NIM1K: variants seen among roughly 807,000 people sequenced by gnomAD.
The protein encoded by NIM1K is NIM1 serine/threonine protein kinase.
A neutral mutation model predicts 37.1 loss-of-function variants in NIM1K; 35 were observed. That is an observed-to-expected ratio of 0.94 (90% CI 0.72 to 1.25). The LOEUF is 1.25. Among genes scored for constraint, NIM1K ranks in the 50% most tolerant of loss-of-function variants. The pLI is 0.00. For missense variants in NIM1K, 564 were observed against 548.0 expected, an observed-to-expected ratio of 1.03 and a Z score of -0.29; for synonymous variants, 234 against 206.6, an observed-to-expected ratio of 1.13 and a Z score of -1.14.
At chr5:43,199,471 C>G (rs1034584382) in intron 1 of NIM1K, among the ~76,000 whole-genome samples, 6 of 151,902 alleles carry the variant, frequency 3.9e-5, no homozygotes, top group Non-Finnish European at 8.8e-5. Context: ...CTAGTTTATT[C>G]CTATCTTTCT....
At chr5:43,247,504 C>T (rs1287313501) in intron 2 of NIM1K, among the ~76,000 whole-genome samples, 1 of 152,202 alleles carries the variant, frequency 6.6e-6, no homozygotes, top group Admixed American at 6.5e-5. Context: ...ATCAATGCAG[C>T]TGCCATGCCC....
intron 2 of NIM1K, among the ~76,000 whole-genome samples, chr5:43,246,514 GTC>G (rs144743874): frequency 0.018 from 2,704 of 151,630 alleles, 110 homozygotes; most frequent in East Asian, 0.16. Flanking sequence ...TTACATTTGT[GTC>G]TCAGTAACAA....
At chr5:43,266,423 G>A (rs1381597881) in intron 2 of NIM1K, among the ~76,000 whole-genome samples, 3 of 152,238 alleles carry the variant, frequency 2.0e-5, no homozygotes, top group Non-Finnish European at 4.4e-5. Flanking sequence ...TCTGAGCCAG[G>A]TGCGGGATAT....
At chr5:43,220,795 T>C (rs2112229897) in intron 1 of NIM1K, among the ~76,000 whole-genome samples, 1 of 152,312 alleles carries the variant, frequency 6.6e-6, no homozygotes, top group South Asian at 2.1e-4. Context: ...CATCTGTATA[T>C]GTTAAAAATA....
chr5:43,224,732 T>A (rs1191677601), intron 1 of NIM1K, among the ~76,000 whole-genome samples: 1 of 150,440 alleles, frequency 6.6e-6, no homozygotes, highest in African/African-American at 2.5e-5. Flanking sequence ...CTTCTCGCTC[T>A]GTCACCCAGG....
In NIM1K at chr5:43,280,508, T is replaced by G. The variant is rs1753425495; in HGVS notation, c.1090T>G (p.Leu364Val). 6.2e-7 allele frequency: 1 copy of G among 1,614,110 alleles called. No individual in the cohort carries two copies. The change falls in exon 4 of 4, where the codon TTG becomes GTG. Residue 364 changes from leucine to valine, a missense_variant. Leu to Val is a conservative substitution (Grantham distance 32, BLOSUM62 1). Coordinates refer to ENST00000326035, the MANE Select transcript of NIM1K (RefSeq NM_153361.4). ...TGAGGTCAAAAGCACTTTAGAACATTTGGGCATTACAGAAGAGCATATTCG... is the reference window on the plus strand; with the variant it reads ...TGAGGTCAAAAGCACTTTAGAACATGTGGGCATTACAGAAGAGCATATTCG... Reference protein sequence around the residue: ...ENEVKSTLEHLGITEEHIRNN... With the variant: ...ENEVKSTLEHVGITEEHIRNN...
intron 2 of NIM1K, among the ~76,000 whole-genome samples, chr5:43,257,325 G>A (rs889202465): frequency 2.7e-5 from 4 of 150,552 alleles, no homozygotes; most frequent in African/African-American, 4.9e-5. Context: ...GTTCAAGAGA[G>A]GATAATGAGG....
chr5:43,275,751 A>G (rs548723986), intron 2 of NIM1K, among the ~76,000 whole-genome samples: 1 of 152,288 alleles, frequency 6.6e-6, no homozygotes, highest in African/African-American at 2.4e-5. Flanking sequence ...CAGAATCTGA[A>G]CATCATGTTC....
At chr5:43,227,704 T>C (rs564387585) in intron 1 of NIM1K, among the ~76,000 whole-genome samples, 2 of 152,326 alleles carry the variant, frequency 1.3e-5, no homozygotes, top group South Asian at 2.1e-4. Context: ...TTAAAAAATT[T>C]ATTATTTATT....
Position 43,246,009 on chromosome 5 carries a change from G to A in NIM1K, c.234G>A (p.Gly78=). Residue 78 remains glycine (G), a synonymous_variant, in exon 2 of 4, where the codon GGG becomes GGA. Coordinates refer to ENST00000326035, the MANE Select transcript of NIM1K (RefSeq NM_153361.4). ...GKRIGFYRIR[G]EIGSGNFSQV... is the part of the protein sequence containing the mutation. The stretch of plus-strand genomic sequence containing the variant: ...GGATAGGCTTCTACCGAATTCGAGG[G>A]GAAATCGGAAGTGGAAACTTCTCCC... 1 of 1,613,988 alleles carries A rather than the reference G, an allele frequency of 6.2e-7. No individual in the cohort carries two copies. The highest frequency in any genetic ancestry group is 1.1e-5 in the South Asian group (1 of 91,070).
intron 2 of NIM1K, among the ~76,000 whole-genome samples, chr5:43,271,376 GA>G (rs150308344): frequency 0.032 from 4,849 of 151,124 alleles, 288 homozygotes; most frequent in African/African-American, 0.11. Flanking sequence ...CTGGGATGAG[GA>G]AAAAAAATAC....
intron 1 of NIM1K, among the ~76,000 whole-genome samples, chr5:43,198,258 C>CCTTT (rs1156399091): frequency 1.6e-5 from 2 of 123,714 alleles, no homozygotes; most frequent in Non-Finnish European, 3.4e-5. Flanking sequence ...TTCTTTCTTT[C>CCTTT]CTTTCTTTCT....
At chr5:43,223,074 G>A (rs144309797) in intron 1 of NIM1K, among the ~76,000 whole-genome samples, 16 of 149,852 alleles carry the variant, frequency 1.1e-4, no homozygotes, top group African/African-American at 3.5e-4. Context: ...GGGAGGCAGA[G>A]GTTGCAGTGA....
At chr5:43,269,446 C>A (rs1753221776) in intron 2 of NIM1K, among the ~76,000 whole-genome samples, 1 of 151,640 alleles carries the variant, frequency 6.6e-6, no homozygotes, top group South Asian at 2.1e-4. Context: ...TTGAAGACAG[C>A]AGATATTTGG....
intron 1 of NIM1K, among the ~76,000 whole-genome samples, chr5:43,236,121 C>A (rs1034441283): frequency 6.6e-6 from 1 of 151,542 alleles, no homozygotes; most frequent in East Asian, 1.9e-4. Context: ...CAAAAAATAA[C>A]CAGGCATGGT....
intron 2 of NIM1K, among the ~76,000 whole-genome samples, chr5:43,267,991 A>G (rs1166197167): frequency 1.3e-5 from 2 of 152,014 alleles, no homozygotes; most frequent in Non-Finnish European, 2.9e-5. Context: ...TGTTTAAGTC[A>G]TTGTTTCTTT....
intron 2 of NIM1K, among the ~76,000 whole-genome samples, chr5:43,268,391 A>C (rs1753202576): frequency 6.6e-6 from 1 of 152,060 alleles, no homozygotes; most frequent in South Asian, 2.1e-4. Flanking sequence ...GTTTTGGGGA[A>C]GGGATTGGGC....
At chr5:43,268,366 G>A (rs76625844) in intron 2 of NIM1K, among the ~76,000 whole-genome samples, 2,291 of 152,212 alleles carry the variant, frequency 0.015, 46 homozygotes, top group African/African-American at 0.051. Context: ...GTTGGTTAGG[G>A]GTTTTTCAAA....
chr5:43,204,636 C>T (rs1315142374), intron 1 of NIM1K, among the ~76,000 whole-genome samples: 3 of 149,002 alleles, frequency 2.0e-5, no homozygotes, highest in Non-Finnish European at 3.0e-5. Flanking sequence ...ACCCAGGAGG[C>T]GGAGGTTGCA....
Sources: allele counts gnomAD v4.1 joint callset (sites outside exome capture counted in the v4.1 genomes callset), GRCh38; gene constraint gnomAD v4.1.1; transcripts MANE v1.5; gene names NCBI Gene and HGNC (gene_info 2026-07-23, HGNC 2026-07-21).